Variants in KCTD1 observed in about 807,000 individuals in gnomAD.
The protein encoded by KCTD1 is BTB/POZ domain-containing protein KCTD1.
KCTD1 carries 24 observed loss-of-function variants against 66.0 expected under a neutral mutation model. The ratio of observed to expected loss-of-function variants is 0.36; its 90% CI spans 0.26 to 0.51. KCTD1 has a LOEUF of 0.51. Among genes scored for constraint, KCTD1 ranks in the 20% least tolerant of loss-of-function variants. The probability of loss-of-function intolerance (pLI) is 0.95; values close to 1 mark genes in which losing one functional copy is unlikely to be tolerated. For synonymous variants in KCTD1, 511 were observed against 517.2 expected, an observed-to-expected ratio of 0.99 and a Z score of 0.16; for missense variants, 943 against 1,205.2, an observed-to-expected ratio of 0.78 and a Z score of 3.22.
chr18:26,591,242 G>A (rs1253946627), intron 1 of KCTD1, among the ~76,000 whole-genome samples: 1 of 152,018 alleles, frequency 6.6e-6, no homozygotes, highest in Non-Finnish European at 1.5e-5. Flanking sequence ...TGTCCAGGCT[G>A]GTCTCAAACT....
At chr18:26,533,670 C>T (rs1183815219) in intron 1 of KCTD1, among the ~76,000 whole-genome samples, 1 of 151,860 alleles carries the variant, frequency 6.6e-6, no homozygotes, top group African/African-American at 2.4e-5. Flanking sequence ...GGCTAATGTT[C>T]GTATTTTTTG....
chr18:26,644,318 C>G (rs955407454), upstream of KCTD1, among the ~76,000 whole-genome samples: 1 of 152,074 alleles, frequency 6.6e-6, no homozygotes, highest in Non-Finnish European at 1.5e-5. Flanking sequence ...CAAGGACCGA[C>G]CGTTGGCAAG....
chr18:26,465,978 G>C (rs1279582782), intron 3 of KCTD1, among the ~76,000 whole-genome samples: 1 of 152,118 alleles, frequency 6.6e-6, no homozygotes, highest in Non-Finnish European at 1.5e-5. Flanking sequence ...GGCATGTCCT[G>C]AGTAGGCACT....
intron 1 of KCTD1, among the ~76,000 whole-genome samples, chr18:26,538,601 G>A (rs1055706486): frequency 6.6e-5 from 10 of 152,178 alleles, no homozygotes; most frequent in African/African-American, 1.2e-4. Context: ...CTGGGGCTAG[G>A]ACTTTATGAT....
At chr18:26,513,413 A>C (rs1384789273) in intron 1 of KCTD1, among the ~76,000 whole-genome samples, 1 of 152,220 alleles carries the variant, frequency 6.6e-6, no homozygotes, top group Non-Finnish European at 1.5e-5. Flanking sequence ...TTTAAATAAG[A>C]CATACCTATA....
chr18:26,485,942 T>C (rs1981895122), intron 2 of KCTD1, among the ~76,000 whole-genome samples: 1 of 151,682 alleles, frequency 6.6e-6, no homozygotes, highest in Non-Finnish European at 1.5e-5. Flanking sequence ...ATCCTTTTTT[T>C]TTTTTTTTTT....
intron 1 of KCTD1, among the ~76,000 whole-genome samples, chr18:26,556,278 GC>G (rs1203653060): frequency 6.6e-6 from 1 of 152,152 alleles, no homozygotes; most frequent in Non-Finnish European, 1.5e-5. Flanking sequence ...TTGTGACCTG[GC>G]CCCTCTCTTC....
intron 1 of KCTD1, among the ~76,000 whole-genome samples, chr18:26,596,321 C>T (rs1432473006): frequency 6.6e-6 from 1 of 152,042 alleles, no homozygotes; most frequent in Non-Finnish European, 1.5e-5. Flanking sequence ...CATTTGAACA[C>T]ACAGTAAAAA....
chr18:26,507,529 T>A (rs1445276422), intron 1 of KCTD1, among the ~76,000 whole-genome samples: 1 of 152,164 alleles, frequency 6.6e-6, no homozygotes, highest in South Asian at 2.1e-4. Context: ...GCCACCACAC[T>A]TGGCTAATTA....
In KCTD1 at chr18:26,547,223, G is replaced by A. The variant is rs894114086; in HGVS notation, c.1314C>T (p.Leu438=). The change falls in exon 1 of 5, where the codon CTC becomes CTT. Residue 438 remains leucine, a synonymous_variant. Coordinates refer to ENST00000580059, the MANE Select transcript of KCTD1 (RefSeq NM_001142730.3). ...TCTTGGAGAGCTTGGCCGCCTTGGAGAGCATCTGCATCCGAGTGCCTAGCA... is the reference window on the plus strand; with the variant it reads ...TCTTGGAGAGCTTGGCCGCCTTGGAAAGCATCTGCATCCGAGTGCCTAGCA... ...KNLLGTRMQM[L]SKAAKLSKTY... is the part of the protein sequence containing the mutation. The A allele has an allele frequency of 6.6e-5, 102 of 1,550,244 alleles. No homozygotes were observed. The highest frequency in any genetic ancestry group is 8.8e-5 in the Non-Finnish European group (101 of 1,146,632).
At chr18:26,523,336 C>T (rs1019137626) in intron 1 of KCTD1, among the ~76,000 whole-genome samples, 3 of 152,180 alleles carry the variant, frequency 2.0e-5, no homozygotes, top group Admixed American at 2.0e-4. Flanking sequence ...AACTCTGTTG[C>T]AGATAGTGAC....
At chr18:26,499,977 C>T (rs536882884) in intron 2 of KCTD1, among the ~76,000 whole-genome samples, 69 of 152,278 alleles carry the variant, frequency 4.5e-4, no homozygotes, top group Middle Eastern at 6.8e-3. Flanking sequence ...CTTTGGAACT[C>T]CTTTAGAAAT....
intron 1 of KCTD1, among the ~76,000 whole-genome samples, chr18:26,604,884 C>T (rs538140206): frequency 6.6e-6 from 1 of 152,112 alleles, no homozygotes; most frequent in African/African-American, 2.4e-5. Flanking sequence ...ATCCCTGAAC[C>T]TAAAATAAAA....
chr18:26,591,006 G>A (rs1467320525), intron 1 of KCTD1, among the ~76,000 whole-genome samples: 17 of 152,054 alleles, frequency 1.1e-4, no homozygotes, highest in Non-Finnish European at 1.5e-5. Context: ...AAGATCAGTG[G>A]TTCAGATTAG....
chr18:26,455,729 A>C lies in KCTD1; in HGVS notation c.*14T>G, dbSNP rs1301580712. On this transcript the variant is annotated 3_prime_UTR_variant, in exon 5 of 5. Coordinates refer to ENST00000580059, the MANE Select transcript of KCTD1 (RefSeq NM_001142730.3). ...TTGTGTGTGTTTTCCTTTTTGCATA[A>C]GAAATATGTCCATTTAGTCCAGAGG... 1.2e-6 allele frequency: 2 copies of C among 1,613,648 alleles called. No individual in the cohort carries two copies. The highest frequency in any genetic ancestry group is 1.3e-5 in the African/African-American group (1 of 74,946).
intron 1 of KCTD1, among the ~76,000 whole-genome samples, chr18:26,639,021 G>A (rs975355513): frequency 2.6e-5 from 4 of 152,018 alleles, no homozygotes; most frequent in East Asian, 1.9e-4. Flanking sequence ...ACGGGACTGC[G>A]GCCCAGCCTG....
At chr18:26,500,458 G>A (rs1982702285) in intron 2 of KCTD1, among the ~76,000 whole-genome samples, 1 of 151,808 alleles carries the variant, frequency 6.6e-6, no homozygotes, top group Non-Finnish European at 1.5e-5. Context: ...GGTGGGCAGG[G>A]GCATGGGAGG....
At position 26,546,941 on chromosome 18, in the gene KCTD1, G is replaced by A. The variant is rs1985256798; in HGVS notation, c.1596C>T (p.Pro532=). 1 of 1,474,856 alleles carries A rather than the reference G, an allele frequency of 6.8e-7. No individual in the cohort carries two copies. The highest frequency in any genetic ancestry group is 2.5e-5 in the Admixed American group (1 of 40,390). The allele number at this position is 1,474,856 out of a possible 1,614,324, so 91.4% of individuals were successfully genotyped here. The change falls in exon 1 of 5, where the codon CCC becomes CCT. Residue 532 remains proline (P), a synonymous_variant. Coordinates refer to ENST00000580059, the MANE Select transcript of KCTD1 (RefSeq NM_001142730.3). ...VGPDVKSEAA[P]KRALYESVFG... is the part of the protein sequence containing the mutation. ...ACACAGACTCGTACAGGGCGCGCTT[G>A]GGCGCAGCCTCGGATTTCACGTCGG...
intron 1 of KCTD1, among the ~76,000 whole-genome samples, chr18:26,588,227 G>T (rs545739313): frequency 1.3e-5 from 2 of 151,760 alleles, no homozygotes; most frequent in Non-Finnish European, 2.9e-5. Flanking sequence ...CCAGGTTACC[G>T]TAGGCTATGA....
Sources: gnomAD v4.1 joint callset for allele counts (sites outside exome capture counted in the v4.1 genomes callset) on GRCh38, gnomAD v4.1.1 for gene constraint, MANE v1.5 for transcripts, NCBI Gene and HGNC (gene_info 2026-07-23, HGNC 2026-07-21) for gene names.